MTMR9: variants seen among roughly 807,000 people sequenced by gnomAD.
MTMR9 encodes myotubularin-related protein 9.
In MTMR9, 39 loss-of-function variants were observed where a neutral mutation model predicts 69.5. The ratio of observed to expected loss-of-function variants is 0.56; its 90% confidence interval spans 0.43 to 0.73. The LOEUF (loss-of-function observed/expected upper bound fraction) is 0.73, where lower values mean the gene tolerates loss of function less well. Among genes scored for constraint, MTMR9 ranks in the 30% least tolerant of loss-of-function variants. The pLI, the probability that MTMR9 is intolerant of heterozygous loss-of-function variation, is 0.00. For missense variants in MTMR9, 900 were observed against 671.2 expected (o/e 1.34, Z -3.77); for synonymous variants, 354 against 240.8 (o/e 1.47, Z -4.35).
At chr8:11,338,766 C>A in the MTMR9 span, among the ~76,000 whole-genome samples, 1 of 152,152 alleles carries the variant, frequency 6.6e-6, no homozygotes, top group African/African-American at 2.4e-5. Context: ...TTCTAAGACC[C>A]AGAGTCTGTG....
Position 11,285,362 on chromosome 8 carries a change from TTTC to T in MTMR9, c.182+304_182+306del, listed in dbSNP as rs999958676. The T allele has an allele frequency of 7.8e-4, 238 of 303,792 alleles. 1 individual carries two copies. The highest frequency in any genetic ancestry group is 2.2e-3 in the Admixed American group (43 of 19,506). 18.8% of individuals were successfully genotyped at this position (303,792 alleles called of 1,614,324 possible). A position where few individuals can be genotyped will look rare whatever the true frequency, so the allele number is the denominator to read the frequency against. ...GGATTTTCGGCATTGTCTTTATAAA[TTTC>T]TTCTTCTTCTTGCCCCATCGTATTC... On this transcript the variant is annotated intron_variant, in intron 1 of 9. Coordinates refer to ENST00000221086, the MANE Select transcript of MTMR9 (RefSeq NM_015458.4).
chr8:11,301,263 G>C (rs1014257034), intron 3 of MTMR9, among the ~76,000 whole-genome samples: 2 of 152,190 alleles, frequency 1.3e-5, no homozygotes, highest in African/African-American at 4.8e-5. Flanking sequence ...TTACTGTAAA[G>C]CCACAGTAAT....
chr8:11,319,723 G>T lies in MTMR9; in HGVS notation c.1371G>T (p.Leu457Phe). The change falls in exon 9 of 10, where the codon TTG becomes TTT. Residue 457 changes from leucine (L) to phenylalanine (F), a missense_variant. By Grantham distance (22) the Leu-to-Phe change is conservative (BLOSUM62 0). Transcript: ENST00000221086. ...KLKLQQKTMS[L>F]WSWVNQPSEL... ...AGCTACAGCAGAAGACGATGTCTTT[G>T]TGGTCCTGGGTTAATCAGCCCAGTG... 1 of 1,614,122 alleles carries T rather than the reference G, an allele frequency of 6.2e-7. No individual in the cohort carries two copies.
At chr8:11,317,057 C>A in intron 8 of MTMR9, 164 bp downstream of exon 8, 2 of 475,352 alleles carry the variant, frequency 4.2e-6, no homozygotes, top group East Asian at 3.3e-5. Flanking sequence ...GAAGTATATT[C>A]TTTTATGAGA....
At chr8:11,285,390 C>A in intron 1 of MTMR9, 1 of 241,768 alleles carries the variant, frequency 4.1e-6, no homozygotes. Context: ...CCATCGTATT[C>A]CTTGAATTGG....
chr8:11,328,863 A>G (rs1801066303), downstream of MTMR9, among the ~76,000 whole-genome samples: 1 of 152,222 alleles, frequency 6.6e-6, no homozygotes. Flanking sequence ...CCATCCAGAA[A>G]CAGCACCACT....
intron 9 of MTMR9, 178 bp downstream of exon 9, chr8:11,320,016 C>CA: frequency 2.4e-6 from 1 of 413,726 alleles, no homozygotes; most frequent in Non-Finnish European, 4.1e-6. Flanking sequence ...TCTAGCCACA[C>CA]TTTTTTTTTT....
At chr8:11,332,957 A>T (rs938131565), downstream of MTMR9, among the ~76,000 whole-genome samples, 1 of 152,222 alleles carries the variant, frequency 6.6e-6, no homozygotes, top group East Asian at 1.9e-4. Context: ...AGATAGGATT[A>T]TTGAAATTAT....
At chr8:11,328,781 T>C (rs760630352), downstream of MTMR9, among the ~76,000 whole-genome samples, 81 of 152,198 alleles carry the variant, frequency 5.3e-4, no homozygotes, top group Non-Finnish European at 6.0e-4. Context: ...CTGGTAGATA[T>C]CACCTTATTT....
At chr8:11,330,484 A>G (rs1801169494), downstream of MTMR9, among the ~76,000 whole-genome samples, 1 of 152,144 alleles carries the variant, frequency 6.6e-6, no homozygotes, top group African/African-American at 2.4e-5. Context: ...AAAAGGGGGA[A>G]AGGTGGGGAA....
In MTMR9 at chr8:11,322,833, C is replaced by T; in HGVS notation, c.*45C>T. 6.4e-7 allele frequency: 1 copy of T among 1,564,708 alleles called. No homozygotes were observed. The highest frequency in any genetic ancestry group is 1.9e-5 in the Admixed American group (1 of 53,844). On this transcript the variant is annotated 3_prime_UTR_variant, in exon 10 of 10. Coordinates refer to ENST00000221086, the MANE Select transcript of MTMR9 (RefSeq NM_015458.4). ...CGCAAGGACCTTCTTGGGCCTGTGT[C>T]CGCCGTTCTCTCCTTGTGCCCTTCA... is the stretch of plus-strand genomic sequence containing the variant.
chr8:11,306,494 C>G (rs763031831), intron 5 of MTMR9, 87 bp downstream of exon 5: 2 of 1,186,508 alleles, frequency 1.7e-6, no homozygotes, highest in Non-Finnish European at 2.4e-6. Flanking sequence ...CACAAGTGCT[C>G]AAATTAACTT....
In MTMR9 at chr8:11,313,996, A is replaced by G. The variant is rs1007753395; in HGVS notation, c.972-927A>G. On this transcript the variant is annotated intron_variant, in intron 6 of 9. Coordinates refer to ENST00000221086, the MANE Select transcript of MTMR9 (RefSeq NM_015458.4). ...GTGAAGAGCAACCAAGGGAAGATCC[A>G]TGAACGAGCTATGCCTGCAACTGTT... Among the ~76,000 whole-genome samples, 4 of 152,270 alleles carry G rather than the reference A, an allele frequency of 2.6e-5. No individual in the cohort carries two copies. In the South Asian group the frequency reaches 8.3e-4, roughly 31 times the overall value.
chr8:11,334,949 A>G, the MTMR9 span, among the ~76,000 whole-genome samples: 14 of 152,248 alleles, frequency 9.2e-5, no homozygotes, highest in African/African-American at 3.4e-4. Context: ...AATTTGACAA[A>G]GAACATCTTA....
chr8:11,313,479 C>G (rs549348641), intron 6 of MTMR9, among the ~76,000 whole-genome samples: 42 of 152,240 alleles, frequency 2.8e-4, no homozygotes, highest in Admixed American at 5.9e-4. Flanking sequence ...GGAGGCCCAG[C>G]TTTTGGCCTG....
intron 2 of MTMR9, chr8:11,298,730 C>CA: frequency 1.1e-6 from 1 of 926,854 alleles, no homozygotes; most frequent in Non-Finnish European, 1.3e-6. Context: ...ACCCCCCCCC[C>CA]GCCATCCAGT....
chr8:11,287,737 ATTATT>A lies in MTMR9; in HGVS notation c.182+2670_182+2674del, dbSNP rs1799216612. Among the ~76,000 whole-genome samples the A allele has an allele frequency of 3.0e-5, 4 of 134,044 alleles. No homozygotes were observed. In the South Asian group the frequency reaches 6.5e-4, roughly 22 times the overall value. The allele number at this position is 134,044 out of a possible 152,430, so 87.9% of individuals were successfully genotyped here. A position where few individuals can be genotyped will look rare whatever the true frequency, so the allele number is the denominator to read the frequency against. ...TTATAATATATATTATATATTATAT[ATTATT>A]TTCTTATATATTTATTATTTATTTA... is the stretch of plus-strand genomic sequence containing the variant. On this transcript the variant is annotated intron_variant, in intron 1 of 9. Transcript: ENST00000221086.
intron 1 of MTMR9, among the ~76,000 whole-genome samples, chr8:11,292,603 C>T (rs1244598376): frequency 6.6e-6 from 1 of 152,152 alleles, no homozygotes; most frequent in Admixed American, 6.5e-5. Flanking sequence ...TGGTGTAGGG[C>T]ATCTTTTCAT....
At chr8:11,338,638 C>G in the MTMR9 span, among the ~76,000 whole-genome samples, 7 of 152,096 alleles carry the variant, frequency 4.6e-5, no homozygotes, top group African/African-American at 1.4e-4. Context: ...GACTGGCAGC[C>G]AAGGAGGTCA....
Sources: gnomAD v4.1 joint callset for allele counts (sites outside exome capture counted in the v4.1 genomes callset) on GRCh38, gnomAD v4.1.1 for gene constraint, MANE v1.5 for transcripts, NCBI Gene and HGNC (gene_info 2026-07-23, HGNC 2026-07-21) for gene names.